The following CD300LG variants were observed in gnomAD, a reference collection of about 807,000 sequenced individuals.
CD300LG encodes CD300 molecule like family member g, also known as CMRF35-like molecule 9.
In CD300LG, 29 loss-of-function variants were observed where a neutral mutation model predicts 31.5. The ratio of observed to expected loss-of-function variants is 0.92; its 90% CI spans 0.68 to 1.25. The LOEUF (loss-of-function observed/expected upper bound fraction) is 1.25. CD300LG is among the 50% of genes most tolerant of loss of function. The pLI is 0.00. For missense variants in CD300LG, 396 were observed against 417.6 expected (o/e 0.95, Z 0.45); for synonymous variants, 175 against 177.2 (o/e 0.99, Z 0.10).
At chr17:43,857,568 G>C in intron 6 of CD300LG, 4 of 1,325,028 alleles carry the variant, frequency 3.0e-6, no homozygotes, top group Non-Finnish European at 4.2e-6. Context: ...CCAGGGGTCA[G>C]GGAGCTGTTA....
At chr17:43,853,060 G>C in intron 3 of CD300LG, 47 bp downstream of exon 3, 2 of 1,519,278 alleles carry the variant, frequency 1.3e-6, no homozygotes, top group Non-Finnish European at 1.8e-6. Flanking sequence ...CCTTCTTACA[G>C]AAGCAGCCAG....
At chr17:43,852,801 G>A in intron 2 of CD300LG, 111 bp from the exon 3 acceptor site, 1 of 752,084 alleles carries the variant, frequency 1.3e-6, no homozygotes, top group Non-Finnish European at 2.1e-6. Flanking sequence ...GCGAAAGATG[G>A]CAGTGCTCTG....
intron 1 of CD300LG, among the ~76,000 whole-genome samples, chr17:43,848,141 C>T (rs1030396517): frequency 6.6e-6 from 1 of 152,064 alleles, no homozygotes; most frequent in East Asian, 1.9e-4. Context: ...ACTCAGGAGG[C>T]TGAGGCAGGA....
chr17:43,854,218 A>G (rs897463074), intron 4 of CD300LG, among the ~76,000 whole-genome samples, 174 bp downstream of exon 4: 1 of 152,200 alleles, frequency 6.6e-6, no homozygotes, highest in African/African-American at 2.4e-5. Flanking sequence ...GACAGCTTGT[A>G]CTATAGGAGC....
rs2046253609 is a variant in CD300LG, at chr17:43,848,609, CTG to C, written c.99_100del (p.Ser34ProfsTer49). On this transcript the variant is annotated frameshift_variant, in exon 2 of 7. Transcript: ENST00000317310. LOFTEE classifies it high-confidence loss of function. ...GAAATCAGCGGGTTCGAAGGGGACACTGTGTCCCTGCAGTGCACCTACAGGGA... is the reference window on the plus strand; with the variant it reads ...GAAATCAGCGGGTTCGAAGGGGACACTGTCCCTGCAGTGCACCTACAGGGA... 1.9e-6 allele frequency: 3 copies of C among 1,614,024 alleles called. No individual in the cohort carries two copies. In the East Asian group the frequency reaches 6.7e-5, roughly 36 times the overall value.
intron 6 of CD300LG, among the ~76,000 whole-genome samples, chr17:43,860,349 A>G (rs1030038249): frequency 6.6e-6 from 1 of 152,190 alleles, no homozygotes; most frequent in African/African-American, 2.4e-5. Flanking sequence ...GTGAGATGAT[A>G]TACCCTATAC....
intron 1 of CD300LG, among the ~76,000 whole-genome samples, chr17:43,847,645 A>G (rs1432153880): frequency 3.3e-5 from 5 of 152,194 alleles, no homozygotes; most frequent in African/African-American, 4.8e-5. Context: ...CAACCCTGAA[A>G]GATGAAGAAT....
intron 6 of CD300LG, chr17:43,857,768 ACTCCTG>A: frequency 6.5e-7 from 1 of 1,536,506 alleles, no homozygotes; most frequent in Non-Finnish European, 8.7e-7. Flanking sequence ...AGATTTCTTG[ACTCCTG>A]CTCTTCTCTT....
At chr17:43,859,153 G>A (rs1373606174) in intron 6 of CD300LG, among the ~76,000 whole-genome samples, 2 of 152,170 alleles carry the variant, frequency 1.3e-5, no homozygotes, top group Non-Finnish European at 1.5e-5. Context: ...CTGCACTGAA[G>A]TACAAGGGGT....
chr17:43,851,157 G>A (rs28678969), intron 2 of CD300LG, among the ~76,000 whole-genome samples: 2,001 of 100,894 alleles, frequency 0.02, 62 homozygotes, highest in African/African-American at 0.056. Context: ...AAAAAAAAAA[G>A]AAGAAGAAGT....
chr17:43,857,907 C>A, intron 6 of CD300LG: 1 of 1,536,338 alleles, frequency 6.5e-7, no homozygotes, highest in South Asian at 1.2e-5. Context: ...ATAAGGGTCC[C>A]TGTGCCCATT....
At chr17:43,857,185 GC>G in intron 6 of CD300LG, 29 bp downstream of exon 6, 1 of 1,612,782 alleles carries the variant, frequency 6.2e-7, no homozygotes, top group Non-Finnish European at 8.5e-7. Flanking sequence ...GGAAGCCCAA[GC>G]TCAGATCCCC....
At chr17:43,858,763 G>C in intron 6 of CD300LG, 1 of 932,074 alleles carries the variant, frequency 1.1e-6, no homozygotes, top group African/African-American at 1.8e-5. Context: ...GTCCACATTC[G>C]GGTCAAAGAG....
chr17:43,848,748 GGTGTCCATCC>G lies in CD300LG; in HGVS notation c.238_247del (p.Ser80ThrfsTer10), dbSNP rs1177975699. On this transcript the variant is annotated frameshift_variant, in exon 2 of 7. Transcript: ENST00000317310. LOFTEE classifies it high-confidence loss of function. ...AAGGCCAGGAGACAATGAAGGGCAG[GGTGTCCATCC>G]GTGACAGCCGCCAGGAGCTCTCGCT... 3 of 1,614,020 alleles carry G rather than the reference GGTGTCCATCC, an allele frequency of 1.9e-6. No homozygotes were observed. The African/African-American group carries it at 4.0e-5, about 22-fold the overall frequency.
chr17:43,859,887 A>C (rs1278201639), intron 6 of CD300LG, among the ~76,000 whole-genome samples: 3 of 152,064 alleles, frequency 2.0e-5, no homozygotes, highest in African/African-American at 7.2e-5. Flanking sequence ...TTTCTTTGGT[A>C]TATATTTTAT....
In CD300LG at chr17:43,861,951, A is replaced by G; in HGVS notation, c.*40A>G. 1 of 1,450,212 alleles carries G rather than the reference A, an allele frequency of 6.9e-7. No homozygotes were observed. The highest frequency in any genetic ancestry group is 9.4e-7 in the Non-Finnish European group (1 of 1,063,654). The allele number at this position is 1,450,212 out of a possible 1,614,324, so 89.8% of individuals were successfully genotyped here. A position where few individuals can be genotyped will look rare whatever the true frequency, so the allele number is the denominator to read the frequency against. ...CTGGCCAGGCCAGCAGTGAAGCAGT[A>G]TGGCTGGCTGGATCAGCACCGATTC... On this transcript the variant is annotated 3_prime_UTR_variant, in exon 7 of 7. Transcript: ENST00000317310.
At chr17:43,850,425 TTTC>T (rs2046314600) in intron 2 of CD300LG, among the ~76,000 whole-genome samples, 1 of 151,930 alleles carries the variant, frequency 6.6e-6, no homozygotes, top group Non-Finnish European at 1.5e-5. Flanking sequence ...GCCACTATCA[TTTC>T]TTTTCTTTTT....
At chr17:43,849,535 G>A (rs772440726) in intron 2 of CD300LG, 1 of 152,750 alleles carries the variant, frequency 6.5e-6, no homozygotes, top group Non-Finnish European at 1.5e-5. Context: ...GCACCTCTCT[G>A]GGAGCCCAGA....
At chr17:43,857,867 G>T (rs1400591691) in intron 6 of CD300LG, 1 of 1,537,206 alleles carries the variant, frequency 6.5e-7, no homozygotes. Context: ...CCAGGCTGAG[G>T]GTGGTGCTCT....
Sources: gnomAD v4.1 joint callset for allele counts (sites outside exome capture counted in the v4.1 genomes callset) on GRCh38, gnomAD v4.1.1 for gene constraint, MANE v1.5 for transcripts, NCBI Gene and HGNC (gene_info 2026-07-23, HGNC 2026-07-21) for gene names.